NRG1: variants seen among roughly 807,000 people sequenced by gnomAD.
The protein encoded by NRG1 is pro-neuregulin-1, membrane-bound isoform.
In NRG1, 18 loss-of-function variants were observed where a neutral mutation model predicts 63.8. The ratio of observed to expected loss-of-function variants is 0.28; its 90% confidence interval spans 0.19 to 0.42. The LOEUF (loss-of-function observed/expected upper bound fraction) is 0.42, where lower values mean the gene tolerates loss of function less well. Ranked by LOEUF, NRG1 falls within the 10% of genes least tolerant of loss-of-function variation. The probability of loss-of-function intolerance (pLI) is 1.00; values close to 1 mark genes in which losing one functional copy is unlikely to be tolerated. For missense variants in NRG1, 762 were observed against 814.7 expected (o/e 0.94, Z 0.79); for synonymous variants, 302 against 301.3 (o/e 1.00, Z -0.02).
intron 1 of NRG1, among the ~76,000 whole-genome samples, chr8:32,526,629 T>G (rs1166989249): frequency 6.6e-6 from 1 of 152,134 alleles, no homozygotes; most frequent in African/African-American, 2.4e-5. Flanking sequence ...TCTCTCTCAC[T>G]TCCATCAAGC....
At chr8:31,790,592 T>A (rs2094052950) in intron 1 of NRG1, among the ~76,000 whole-genome samples, 1 of 152,338 alleles carries the variant, frequency 6.6e-6, no homozygotes, top group East Asian at 1.9e-4. Flanking sequence ...AGAGAATTTT[T>A]AAATTAGCAT....
chr8:31,994,721 C>T (rs1811689667), intron 1 of NRG1, among the ~76,000 whole-genome samples: 1 of 140,672 alleles, frequency 7.1e-6, no homozygotes, highest in South Asian at 2.6e-4. Context: ...TTGGTAATAC[C>T]TTAAATTTCC....
chr8:31,792,519 G>A (rs1206410635), intron 1 of NRG1, among the ~76,000 whole-genome samples: 1 of 152,022 alleles, frequency 6.6e-6, no homozygotes, highest in Non-Finnish European at 1.5e-5. Flanking sequence ...GGAAAAGTTT[G>A]GTTTATTTTT....
intron 1 of NRG1, among the ~76,000 whole-genome samples, chr8:32,249,437 C>A (rs1255962889): frequency 1.3e-5 from 2 of 152,128 alleles, no homozygotes; most frequent in Non-Finnish European, 2.9e-5. Context: ...TATCAAAGAG[C>A]TGTTCTGTTC....
chr8:32,048,442 C>CATATATATAT (rs746098368), intron 1 of NRG1, among the ~76,000 whole-genome samples: 11 of 134,872 alleles, frequency 8.2e-5, no homozygotes, highest in African/African-American at 2.9e-4. Context: ...CACATATATA[C>CATATATATAT]ATACATATAT....
intron 1 of NRG1, among the ~76,000 whole-genome samples, chr8:32,378,624 C>G (rs942902259): frequency 6.6e-6 from 1 of 151,978 alleles, no homozygotes; most frequent in Admixed American, 6.6e-5. Flanking sequence ...GAAAACATAT[C>G]TTTTTTTTAT....
Position 32,763,767 on chromosome 8 carries a change from AC to A in NRG1, c.1283del (p.Pro428ArgfsTer7). 1 of 1,556,796 alleles carries A rather than the reference AC, an allele frequency of 6.4e-7. No homozygotes were observed. Among genetic ancestry groups the A allele is most frequent in the Non-Finnish European group, 8.7e-7 (1 of 1,151,152 alleles). On this transcript the variant is annotated frameshift_variant, in exon 12 of 12. Coordinates refer to ENST00000356819, the Ensembl canonical transcript of NRG1. LOFTEE classifies it high-confidence loss of function. ...ACACAGGTATGTGTCAGCCATGACC[AC>A]CCCGGCTCGTATGTCACCTGTAGAT...
chr8:31,826,834 T>G (rs1824615668), intron 1 of NRG1, among the ~76,000 whole-genome samples: 1 of 152,218 alleles, frequency 6.6e-6, no homozygotes, highest in African/African-American at 2.4e-5. Flanking sequence ...TTACATGAAG[T>G]TTGTTACTTT....
chr8:32,382,039 G>A (rs568765812), intron 1 of NRG1, among the ~76,000 whole-genome samples: 1 of 152,158 alleles, frequency 6.6e-6, no homozygotes, highest in East Asian at 1.9e-4. Context: ...GATAACAATG[G>A]TAATAACAAT....
intron 1 of NRG1, among the ~76,000 whole-genome samples, chr8:32,247,356 C>T (rs982868179): frequency 6.6e-6 from 1 of 152,070 alleles, no homozygotes; most frequent in Non-Finnish European, 1.5e-5. Context: ...TAACATTCTG[C>T]CCATACAGAT....
intron 5 of NRG1, among the ~76,000 whole-genome samples, chr8:32,697,408 A>C (rs1813642286): frequency 6.6e-6 from 1 of 152,252 alleles, no homozygotes; most frequent in African/African-American, 2.4e-5. Flanking sequence ...TAGCTTGAAC[A>C]AATTAGAGGA....
intron 1 of NRG1, among the ~76,000 whole-genome samples, chr8:32,158,676 A>G (rs1287517496): frequency 6.6e-6 from 1 of 151,746 alleles, no homozygotes; most frequent in Non-Finnish European, 1.5e-5. Context: ...ATAGAGAGTA[A>G]GTTAATAAGA....
At chr8:32,282,739 T>C (rs1182627471) in intron 1 of NRG1, among the ~76,000 whole-genome samples, 1 of 152,246 alleles carries the variant, frequency 6.6e-6, no homozygotes, top group African/African-American at 2.4e-5. Flanking sequence ...TGGCCTTTAA[T>C]AGATTTAAAG....
At chr8:32,469,335 G>C (rs1823482933) in intron 1 of NRG1, among the ~76,000 whole-genome samples, 1 of 152,216 alleles carries the variant, frequency 6.6e-6, no homozygotes, top group Non-Finnish European at 1.5e-5. Context: ...GATGAAGCAA[G>C]GAGAAATCAT....
At chr8:32,619,741 G>A (rs1044095877) in intron 5 of NRG1, among the ~76,000 whole-genome samples, 3 of 151,918 alleles carry the variant, frequency 2.0e-5, no homozygotes, top group Non-Finnish European at 4.4e-5. Context: ...TTTCTTCTTT[G>A]GCTTTTTCAT....
intron 1 of NRG1, among the ~76,000 whole-genome samples, chr8:32,417,685 C>A (rs1266327523): frequency 6.8e-6 from 1 of 146,534 alleles, no homozygotes; most frequent in Non-Finnish European, 1.5e-5. Context: ...TACAGAAGAA[C>A]CTGTTAGGAT....
chr8:32,513,508 T>C (rs1226250849), intron 1 of NRG1, among the ~76,000 whole-genome samples: 3 of 152,034 alleles, frequency 2.0e-5, no homozygotes, highest in African/African-American at 4.8e-5. Context: ...TAGATATGCC[T>C]CCTTGGGGCT....
intron 1 of NRG1, among the ~76,000 whole-genome samples, chr8:31,920,378 A>G (rs1283372381): frequency 6.6e-6 from 1 of 152,184 alleles, no homozygotes; most frequent in Non-Finnish European, 1.5e-5. Flanking sequence ...TTCTGAAGGA[A>G]TATACTGGCA....
intron 1 of NRG1, among the ~76,000 whole-genome samples, chr8:32,215,290 A>G (rs1205648721): frequency 6.6e-6 from 1 of 152,182 alleles, no homozygotes; most frequent in Admixed American, 6.5e-5. Context: ...AAAAGTTGAG[A>G]AGGCATTTCG....
Sources: allele counts gnomAD v4.1 joint callset (sites outside exome capture counted in the v4.1 genomes callset), GRCh38; gene constraint gnomAD v4.1.1; transcripts MANE v1.5; gene names NCBI Gene and HGNC (gene_info 2026-07-23, HGNC 2026-07-21).